Variants in MROH9 observed in about 807,000 individuals in gnomAD.
MROH9 encodes maestro heat like repeat family member 9.
A neutral mutation model predicts 98.2 loss-of-function variants in MROH9; 92 were observed. The ratio of observed to expected loss-of-function variants is 0.94; its 90% CI spans 0.79 to 1.11. The LOEUF (loss-of-function observed/expected upper bound fraction) is 1.11. Ranked by LOEUF, MROH9 falls within the 50% of genes most tolerant of loss-of-function variation. The probability of loss-of-function intolerance (pLI) is 0.00; values close to 1 mark genes in which losing one functional copy is unlikely to be tolerated. For synonymous variants in MROH9, 397 were observed against 368.9 expected, an observed-to-expected ratio of 1.08 and a Z score of -0.87; for missense variants, 1,057 against 1,014.8, an observed-to-expected ratio of 1.04 and a Z score of -0.57.
intron 15 of MROH9, among the ~76,000 whole-genome samples, chr1:171,012,395 C>T (rs1253741077): frequency 2.0e-5 from 3 of 151,962 alleles, no homozygotes; most frequent in Admixed American, 1.3e-4. Flanking sequence ...CATTCAGTCT[C>T]TCTCACTCTC....
At chr1:170,957,683 T>A (rs1251384068) in intron 3 of MROH9, among the ~76,000 whole-genome samples, 3 of 152,222 alleles carry the variant, frequency 2.0e-5, no homozygotes, top group Non-Finnish European at 4.4e-5. Context: ...TGATACATTC[T>A]TAGTGGAATC....
Position 170,958,535 on chromosome 1 carries a change from C to A in MROH9, c.147C>A (p.Asn49Lys). ...ATGAATCCATGATCCTGGCTGTGAA[C>A]TCCAGGTATGATAAGCTATCATGCT... ...LSNESMILAV[N>K]SSFVDPLLQF... Residue 49 changes from asparagine (N) to lysine (K), a missense_variant, in exon 4 of 22, where the codon AAC becomes AAA. Coordinates refer to ENST00000367759, the MANE Select transcript of MROH9 (RefSeq NM_001163629.2). 6.3e-7 allele frequency: 1 copy of A among 1,580,828 alleles called. No homozygotes were observed. Among genetic ancestry groups the A allele is most frequent in the Non-Finnish European group, 8.6e-7 (1 of 1,156,222 alleles).
At chr1:170,998,333 A>C in intron 15 of MROH9, 59 bp downstream of exon 15, 1 of 1,612,798 alleles carries the variant, frequency 6.2e-7, no homozygotes, top group South Asian at 1.1e-5. Flanking sequence ...CCCAAATTTA[A>C]ATCAAAATTC....
intron 20 of MROH9, among the ~76,000 whole-genome samples, chr1:171,036,116 C>T (rs1653090561): frequency 6.6e-6 from 1 of 152,018 alleles, no homozygotes; most frequent in African/African-American, 2.4e-5. Context: ...AAATAAAAGC[C>T]AGTCACAAAA....
intron 21 of MROH9, among the ~76,000 whole-genome samples, chr1:171,063,237 T>A (rs895284745): frequency 6.7e-6 from 1 of 149,148 alleles, no homozygotes; most frequent in Non-Finnish European, 1.5e-5. Context: ...CATTTTGGTA[T>A]ATGTATTATC....
At chr1:170,944,526 C>T (rs754478320) in intron 1 of MROH9, among the ~76,000 whole-genome samples, 7 of 151,756 alleles carry the variant, frequency 4.6e-5, no homozygotes, top group Non-Finnish European at 8.8e-5. Flanking sequence ...GTTACATACT[C>T]GAGGTACTTA....
chr1:170,992,378 T>G, intron 12 of MROH9, 49 bp downstream of exon 12: 1 of 1,565,690 alleles, frequency 6.4e-7, no homozygotes, highest in Non-Finnish European at 8.7e-7. Flanking sequence ...TTTTCCTGAT[T>G]GTGAAAATCC....
Position 170,983,549 on chromosome 1 carries a change from A to G in MROH9, c.729+15A>G. The G allele has an allele frequency of 1.4e-6, 2 of 1,476,416 alleles. No individual in the cohort carries two copies. The highest frequency in any genetic ancestry group is 1.9e-6 in the Non-Finnish European group (2 of 1,057,938). The allele number at this position is 1,476,416 out of a possible 1,614,324, so 91.5% of individuals were successfully genotyped here. A position where few individuals can be genotyped will look rare whatever the true frequency, so the allele number is the denominator to read the frequency against. ...AAATAGCTCAGGTAACTTAGCCCCC[A>G]CTTTTTCCGAGGGCTTTTGTTTATG... On this transcript the variant is annotated intron_variant, in intron 9 of 21. Transcript: ENST00000367759.
At chr1:170,978,034 G>A (rs199731943) in intron 8 of MROH9, among the ~76,000 whole-genome samples, 2 of 152,168 alleles carry the variant, frequency 1.3e-5, no homozygotes, top group African/African-American at 4.8e-5. Context: ...TCCTTCTTTA[G>A]TCTGAGGGTA....
chr1:171,014,069 G>T (rs1309130104), intron 15 of MROH9, 48 bp from the exon 16 acceptor site: 1 of 1,468,072 alleles, frequency 6.8e-7, no homozygotes, highest in Admixed American at 2.1e-5. Flanking sequence ...CAGAAATCGT[G>T]CAGTGGCCTC....
intron 3 of MROH9, among the ~76,000 whole-genome samples, chr1:170,953,611 T>G (rs1029505769): frequency 6.6e-6 from 1 of 152,016 alleles, no homozygotes; most frequent in Non-Finnish European, 1.5e-5. Context: ...GTTTCTAACT[T>G]TCAGAGCTTA....
At chr1:171,057,092 G>T (rs770356285) in intron 20 of MROH9, among the ~76,000 whole-genome samples, 19 of 152,194 alleles carry the variant, frequency 1.2e-4, no homozygotes, top group Non-Finnish European at 2.1e-4. Context: ...TCCAGCAAGG[G>T]CACAGCACTG....
intron 4 of MROH9, among the ~76,000 whole-genome samples, chr1:170,959,244 G>A (rs373389723): frequency 3.3e-5 from 5 of 152,136 alleles, no homozygotes; most frequent in African/African-American, 7.2e-5. Context: ...GCGTGGTGGC[G>A]GGCGCCTGTA....
At chr1:170,998,836 A>G in intron 15 of MROH9, 1 of 807,662 alleles carries the variant, frequency 1.2e-6, no homozygotes, top group Non-Finnish European at 1.5e-6. Flanking sequence ...CATTAAAATA[A>G]TAATATAATA....
rs981902339 is a variant in MROH9 at position 170,993,709 on chromosome 1, C to T, written c.1194+1380C>T. ...AACATATTCTCCAGGGAGAGCCATG[C>T]CGTAAAAGAGAAAAGAAAAAATAAC... On this transcript the variant is annotated intron_variant, in intron 12 of 21. Transcript: ENST00000367759. 2.6e-5 allele frequency among the ~76,000 whole-genome samples: 4 copies of T among 151,836 alleles called. No individual in the cohort carries two copies. In the East Asian group the frequency reaches 7.7e-4, roughly 29 times the overall value.
At chr1:170,997,383 CTT>C (rs1329043767) in intron 14 of MROH9, among the ~76,000 whole-genome samples, 1 of 152,118 alleles carries the variant, frequency 6.6e-6, no homozygotes, top group African/African-American at 2.4e-5. Flanking sequence ...TAAGAAGTAA[CTT>C]TGGATATTCT....
At chr1:170,987,551 A>C (rs1404254977) in intron 10 of MROH9, among the ~76,000 whole-genome samples, 2 of 152,240 alleles carry the variant, frequency 1.3e-5, no homozygotes, top group Non-Finnish European at 2.9e-5. Context: ...CTTTCTAAGC[A>C]AAAAGAACAA....
In MROH9 at chr1:171,016,296, G is replaced by T; in HGVS notation, c.1868G>T (p.Gly623Val). ...CTGGACAAAGTGACCTACTCTTTGG[G>T]TACCAGAATTGGTTCCAGCTACTGT... ...NELDKVTYSLGTRIGSSYCTL... is the reference protein window; with the variant it reads ...NELDKVTYSLVTRIGSSYCTL... Residue 623 changes from glycine to valine, a missense_variant, in exon 17 of 22, where the codon GGT becomes GTT. Physicochemically the swap from Gly to Val is moderately radical, Grantham distance 109. Coordinates refer to ENST00000367759, the MANE Select transcript of MROH9 (RefSeq NM_001163629.2). 6.5e-7 allele frequency: 1 copy of T among 1,535,226 alleles called. No homozygotes were observed. Among genetic ancestry groups the T allele is most frequent in the Non-Finnish European group, 8.8e-7 (1 of 1,139,318 alleles).
intron 10 of MROH9, among the ~76,000 whole-genome samples, chr1:170,987,635 G>T (rs990469599): frequency 3.9e-5 from 6 of 152,086 alleles, no homozygotes; most frequent in African/African-American, 1.4e-4. Context: ...ACAAACATAA[G>T]CATAGGTGCA....
Sources: gnomAD v4.1 joint callset for allele counts (sites outside exome capture counted in the v4.1 genomes callset) on GRCh38, gnomAD v4.1.1 for gene constraint, MANE v1.5 for transcripts, NCBI Gene and HGNC (gene_info 2026-07-23, HGNC 2026-07-21) for gene names.